GPR89A: variants seen among roughly 807,000 people sequenced by gnomAD.
The protein encoded by GPR89A is G protein-coupled receptor 89A.
In GPR89A, 16 loss-of-function variants were observed where a neutral mutation model predicts 52.0. The observed-to-expected ratio is 0.31, with a 90% CI of 0.21 to 0.47. The LOEUF is 0.47. Among genes scored for constraint, GPR89A ranks in the 20% least tolerant of loss-of-function variants. The probability of loss-of-function intolerance (pLI) is 1.00; values close to 1 mark genes in which losing one functional copy is unlikely to be tolerated. For synonymous variants in GPR89A, 55 were observed against 150.9 expected (o/e 0.36, Z 4.66); for missense variants, 135 against 449.4 (o/e 0.30, Z 6.33).
At chr1:145,659,341 C>T (rs1652028810) in intron 10 of GPR89A, among the ~76,000 whole-genome samples, 1 of 151,906 alleles carries the variant, frequency 6.6e-6, no homozygotes. Flanking sequence ...CATGCAACCA[C>T]TCCCGGCTAA....
At chr1:145,665,342 T>G (rs1652483860) in intron 11 of GPR89A, among the ~76,000 whole-genome samples, 2 of 151,950 alleles carry the variant, frequency 1.3e-5, no homozygotes, top group African/African-American at 4.8e-5. Context: ...TTTTTAATTT[T>G]AAGGTTTAAT....
At chr1:145,650,761 C>T (rs1297025031) in intron 10 of GPR89A, among the ~76,000 whole-genome samples, 2 of 151,502 alleles carry the variant, frequency 1.3e-5, no homozygotes, top group African/African-American at 2.4e-5. Flanking sequence ...AGCTTTTTTT[C>T]ATACGTTTGT....
chr1:145,654,560 A>AAAAC (rs1651687052), intron 10 of GPR89A, among the ~76,000 whole-genome samples: 1 of 147,034 alleles, frequency 6.8e-6, no homozygotes, highest in African/African-American at 2.5e-5. Flanking sequence ...CTACAAAAAA[A>AAAAC]AAAAAAAAAA....
At chr1:145,660,223 T>A (rs1652100250) in intron 10 of GPR89A, among the ~76,000 whole-genome samples, 1 of 152,170 alleles carries the variant, frequency 6.6e-6, no homozygotes, top group African/African-American at 2.4e-5. Context: ...ATTTAATAAA[T>A]GGTGCTGGGA....
At chr1:145,649,045 C>G (rs1285929926) in intron 10 of GPR89A, among the ~76,000 whole-genome samples, 2 of 151,854 alleles carry the variant, frequency 1.3e-5, no homozygotes, top group African/African-American at 2.4e-5. Flanking sequence ...ACCTCGTGAT[C>G]CGCCTGCCTC....
At chr1:145,663,057 G>A (rs1652311078) in intron 10 of GPR89A, among the ~76,000 whole-genome samples, 1 of 152,080 alleles carries the variant, frequency 6.6e-6, no homozygotes, top group South Asian at 2.1e-4. Flanking sequence ...TACCTTTCTG[G>A]CTCCTGATAA....
At chr1:145,634,152 T>C (rs587660809) in intron 7 of GPR89A, among the ~76,000 whole-genome samples, 2 of 151,094 alleles carry the variant, frequency 1.3e-5, no homozygotes, top group East Asian at 3.9e-4. Context: ...TGATTTCAGC[T>C]CACTGCAGCC....
At chr1:145,625,048 AT>A (rs1649396459) in intron 5 of GPR89A, among the ~76,000 whole-genome samples, 1 of 152,040 alleles carries the variant, frequency 6.6e-6, no homozygotes, top group South Asian at 2.1e-4. Flanking sequence ...CCTTCCATGT[AT>A]ACTGATTGCC....
chr1:145,659,057 G>A (rs587659160), intron 10 of GPR89A, among the ~76,000 whole-genome samples: 23 of 152,048 alleles, frequency 1.5e-4, no homozygotes, highest in South Asian at 4.2e-4. Flanking sequence ...GATTATATCC[G>A]TGAGCCACCA....
chr1:145,634,513 TA>T (rs1225574474), intron 7 of GPR89A, among the ~76,000 whole-genome samples: 2 of 150,570 alleles, frequency 1.3e-5, no homozygotes, highest in Admixed American at 6.6e-5. Context: ...CTTTGTTATT[TA>T]AAAAGTACTT....
At chr1:145,659,044 T>A (rs1652005551) in intron 10 of GPR89A, among the ~76,000 whole-genome samples, 3 of 152,142 alleles carry the variant, frequency 2.0e-5, no homozygotes, top group Admixed American at 2.0e-4. Flanking sequence ...CCCAAAGTGC[T>A]GGGATTATAT....
In GPR89A at chr1:145,670,184, C is replaced by A. The variant is rs1273999558; in HGVS notation, c.*144C>A. ...TTTCACCTTCATAGCATACTCCTTCCCCGTCAGGTGATACTATGACCATGA... is the reference window on the plus strand; with the variant it reads ...TTTCACCTTCATAGCATACTCCTTCACCGTCAGGTGATACTATGACCATGA... On this transcript the variant is annotated 3_prime_UTR_variant, in exon 14 of 14. Transcript: ENST00000313835. 1.3e-6 allele frequency: 2 copies of A among 1,585,716 alleles called. No homozygotes were observed. Among genetic ancestry groups the A allele is most frequent in the Non-Finnish European group, 1.7e-6 (2 of 1,167,434 alleles).
At chr1:145,656,622 T>A (rs1186132671) in intron 10 of GPR89A, among the ~76,000 whole-genome samples, 2 of 152,182 alleles carry the variant, frequency 1.3e-5, no homozygotes, top group Non-Finnish European at 2.9e-5. Context: ...CCCCCGACCT[T>A]GCCAGTGTTT....
chr1:145,639,714 T>C (rs1400097391), intron 7 of GPR89A, among the ~76,000 whole-genome samples: 1 of 146,592 alleles, frequency 6.8e-6, no homozygotes, highest in African/African-American at 2.5e-5. Context: ...TCCCCTGCCC[T>C]CCAGCCTGGG....
At chr1:145,642,337 G>A (rs587684196) in intron 7 of GPR89A, among the ~76,000 whole-genome samples, 136 of 152,066 alleles carry the variant, frequency 8.9e-4, no homozygotes, top group African/African-American at 3.0e-3. Flanking sequence ...TAAAAACCTA[G>A]AATTACTAAG....
intron 10 of GPR89A, among the ~76,000 whole-genome samples, chr1:145,648,965 C>T (rs1264183695): frequency 4.6e-5 from 7 of 151,568 alleles, no homozygotes; most frequent in African/African-American, 1.5e-4. Context: ...CCACAATGCC[C>T]GGCTAATTTT....
intron 1 of GPR89A, among the ~76,000 whole-genome samples, chr1:145,611,233 C>T (rs1158443162): frequency 6.6e-4 from 93 of 140,966 alleles, no homozygotes; most frequent in Admixed American, 1.6e-3. Flanking sequence ...AGATTTGGTA[C>T]TTGTGCCGGG....
intron 10 of GPR89A, among the ~76,000 whole-genome samples, chr1:145,660,696 C>T (rs1156596260): frequency 1.3e-5 from 2 of 151,656 alleles, no homozygotes; most frequent in Non-Finnish European, 2.9e-5. Flanking sequence ...CCAAAAAACA[C>T]AAGAAAAAAT....
chr1:145,623,264 G>A (rs1165306454), intron 4 of GPR89A, 104 bp downstream of exon 4: 14 of 698,620 alleles, frequency 2.0e-5, no homozygotes, highest in East Asian at 1.1e-4. Flanking sequence ...AGTATCTACC[G>A]CTATTTGAGG....
Sources: gnomAD v4.1 joint callset for allele counts (sites outside exome capture counted in the v4.1 genomes callset) on GRCh38, gnomAD v4.1.1 for gene constraint, MANE v1.5 for transcripts, NCBI Gene and HGNC (gene_info 2026-07-23, HGNC 2026-07-21) for gene names.